Variants in ROPN1B observed in about 807,000 individuals in gnomAD.
ROPN1B encodes the protein rhophilin associated tail protein 1B.
A neutral mutation model predicts 23.7 loss-of-function variants in ROPN1B; 13 were observed. That is an observed-to-expected ratio of 0.55 (90% confidence interval 0.36 to 0.87). ROPN1B has a LOEUF of 0.87. ROPN1B is among the 40% of genes least tolerant of loss of function. The pLI is 0.01. For synonymous variants in ROPN1B, 67 were observed against 100.4 expected (o/e 0.67, Z 1.99); for missense variants, 183 against 249.2 (o/e 0.73, Z 1.79).
intron 4 of ROPN1B, 161 bp from the exon 5 acceptor site, chr3:125,976,843 G>C (rs1342733410): frequency 9.0e-6 from 8 of 888,664 alleles, no homozygotes; most frequent in Non-Finnish European, 1.3e-5. Context: ...GATTTGCAAA[G>C]GTAACTGCCA....
chr3:125,979,767 G>A (rs945906499), intron 5 of ROPN1B, among the ~76,000 whole-genome samples: 3 of 152,224 alleles, frequency 2.0e-5, no homozygotes, highest in African/African-American at 7.2e-5. Context: ...GGATCTCTGT[G>A]TCATCTAGAA....
intron 3 of ROPN1B, 182 bp downstream of exon 3, chr3:125,972,352 G>A: frequency 1.6e-6 from 1 of 638,504 alleles, no homozygotes; most frequent in Non-Finnish European, 2.7e-6. Flanking sequence ...ATCTAGCCGG[G>A]CAAGGATGGG....
chr3:125,973,431 A>G (rs1187895184), intron 3 of ROPN1B: 2 of 173,524 alleles, frequency 1.2e-5, no homozygotes, highest in Non-Finnish European at 2.5e-5. Context: ...TTAGTTTTCC[A>G]TTCTAAATTT....
chr3:125,972,133 C>A lies in ROPN1B; in HGVS notation c.79C>A (p.Arg27=), dbSNP rs749375037. 1.2e-6 allele frequency: 2 copies of A among 1,614,212 alleles called. No individual in the cohort carries two copies. The highest frequency in any genetic ancestry group is 1.7e-5 in the Admixed American group (1 of 60,024). Residue 27 remains arginine (R), a synonymous_variant, in exon 3 of 7, where the codon CGG becomes AGG. Coordinates refer to ENST00000514116, the MANE Select transcript of ROPN1B (RefSeq NM_001308313.2). ...GAAGGAGTTTGCCAAAGCCGCCATT[C>A]GGGCGCAGCCGCAGGACCTCATCCA... ...MLKEFAKAAI[R]AQPQDLIQWG...
intron 5 of ROPN1B, among the ~76,000 whole-genome samples, chr3:125,979,097 C>T (rs961179692): frequency 6.6e-6 from 1 of 152,122 alleles, no homozygotes; most frequent in Non-Finnish European, 1.5e-5. Flanking sequence ...TCTGAGACAC[C>T]CTCAGGCCTA....
chr3:125,973,925 G>A (rs1475021655), intron 3 of ROPN1B: 1 of 153,734 alleles, frequency 6.5e-6, no homozygotes, highest in African/African-American at 2.4e-5. Context: ...CCTCTTACCA[G>A]GTATTGGCAG....
At chr3:125,970,908 G>T (rs1938176095) in intron 1 of ROPN1B, among the ~76,000 whole-genome samples, 1 of 152,144 alleles carries the variant, frequency 6.6e-6, no homozygotes, top group Non-Finnish European at 1.5e-5. Flanking sequence ...ACTCCTGGGG[G>T]ACTGTTTCTC....
rs1938678723 is a variant in ROPN1B at position 125,983,401 on chromosome 3, C to A, written c.*81C>A. On this transcript the variant is annotated 3_prime_UTR_variant, in exon 7 of 7. Coordinates refer to ENST00000514116, the MANE Select transcript of ROPN1B (RefSeq NM_001308313.2). ...GATAAACCCATATACCACCTAAAAT[C>A]AATTTTCTTGTACAACTGGTACACA... 1.1e-6 allele frequency: 1 copy of A among 938,342 alleles called. No individual in the cohort carries two copies. The highest frequency in any genetic ancestry group is 1.6e-5 in the African/African-American group (1 of 61,654). The allele number at this position is 938,342 out of a possible 1,614,324, so 58.1% of individuals were successfully genotyped here.
chr3:125,973,056 T>G, intron 3 of ROPN1B: 1 of 360,092 alleles, frequency 2.8e-6, no homozygotes, highest in South Asian at 2.1e-5. Context: ...AGTTGGAAGA[T>G]AACTAGACCT....
intron 5 of ROPN1B, among the ~76,000 whole-genome samples, chr3:125,982,065 A>G (rs916365021): frequency 2.0e-5 from 3 of 152,260 alleles, no homozygotes; most frequent in Admixed American, 2.0e-4. Context: ...ACAAAGAAAG[A>G]AAAATAAAGA....
At chr3:125,974,085 A>G (rs1938311990) in intron 3 of ROPN1B, among the ~76,000 whole-genome samples, 1 of 152,198 alleles carries the variant, frequency 6.6e-6, no homozygotes, top group Non-Finnish European at 1.5e-5. Flanking sequence ...ATGTTGTCTA[A>G]CCAATTCCAC....
rs937312321 is a variant in ROPN1B, at chr3:125,974,535, G to A, written c.117-1028G>A. Among the ~76,000 whole-genome samples the A allele has an allele frequency of 9.9e-5, 15 of 152,280 alleles. No individual in the cohort carries two copies. The East Asian group carries it at 1.2e-3, about 12-fold the overall frequency. ...AGTAATGGAGGGAAAAAAGCAGGGCGGAACAGAAATTTGTGGTTCATGGAT... is the reference window on the plus strand; with the variant it reads ...AGTAATGGAGGGAAAAAAGCAGGGCAGAACAGAAATTTGTGGTTCATGGAT... On this transcript the variant is annotated intron_variant, in intron 3 of 6. Transcript: ENST00000514116.
intron 3 of ROPN1B, among the ~76,000 whole-genome samples, chr3:125,974,845 T>C (rs577816305): frequency 6.6e-6 from 1 of 152,278 alleles, no homozygotes; most frequent in South Asian, 2.1e-4. Flanking sequence ...TTCTTTGGCT[T>C]CTCTTCTCTC....
intron 1 of ROPN1B, among the ~76,000 whole-genome samples, chr3:125,969,852 A>G (rs1427153927): frequency 1.3e-5 from 2 of 151,538 alleles, no homozygotes; most frequent in Non-Finnish European, 3.0e-5. Context: ...GTCAGGCATT[A>G]TTTTATACCT....
chr3:125,979,654 CA>C (rs1357964849), intron 5 of ROPN1B, among the ~76,000 whole-genome samples: 1 of 152,206 alleles, frequency 6.6e-6, no homozygotes, highest in African/African-American at 2.4e-5. Flanking sequence ...GAGACTAAGT[CA>C]GGGGTCACCA....
intron 4 of ROPN1B, among the ~76,000 whole-genome samples, chr3:125,976,279 G>A (rs1005157462): frequency 1.3e-5 from 2 of 152,186 alleles, no homozygotes; most frequent in Non-Finnish European, 2.9e-5. Context: ...GGACTGGCTT[G>A]GCTAACCACC....
intron 3 of ROPN1B, chr3:125,973,405 T>C (rs1446845891): frequency 5.0e-6 from 1 of 199,486 alleles, no homozygotes. Flanking sequence ...TTGCTTTGCC[T>C]AGTAATAAGC....
chr3:125,982,535 GC>G, intron 6 of ROPN1B, 90 bp downstream of exon 6: 1 of 1,089,342 alleles, frequency 9.2e-7, no homozygotes, highest in Non-Finnish European at 1.3e-6. Context: ...GTATTATACT[GC>G]TCTGGGAACA....
chr3:125,981,130 AAATTAAT>A (rs929252396), intron 5 of ROPN1B, among the ~76,000 whole-genome samples: 8 of 146,374 alleles, frequency 5.5e-5, no homozygotes, highest in African/African-American at 1.2e-4. Flanking sequence ...AACTCAATTA[AAATTAAT>A]AATTATTATA....
Sources: allele counts gnomAD v4.1 joint callset (sites outside exome capture counted in the v4.1 genomes callset), GRCh38; gene constraint gnomAD v4.1.1; transcripts MANE v1.5; gene names NCBI Gene and HGNC (gene_info 2026-07-23, HGNC 2026-07-21).